The following SGSM1 variants were observed in gnomAD, a reference collection of about 807,000 sequenced individuals.
The protein encoded by SGSM1 is small G protein signaling modulator 1, also known as RUN and TBC1 domain containing 2.
A neutral mutation model predicts 133.8 loss-of-function variants in SGSM1; 73 were observed. The ratio of observed to expected loss-of-function variants is 0.55; its 90% CI spans 0.45 to 0.66. SGSM1 has a LOEUF of 0.66. Ranked by LOEUF, SGSM1 falls within the 30% of genes least tolerant of loss-of-function variation. The pLI is 0.00. For synonymous variants in SGSM1, 563 were observed against 573.0 expected (o/e 0.98, Z 0.25); for missense variants, 1,213 against 1,448.1 (o/e 0.84, Z 2.64).
chr22:24,907,124 G>C (rs1439260598), intron 21 of SGSM1, among the ~76,000 whole-genome samples: 1 of 151,288 alleles, frequency 6.6e-6, no homozygotes, highest in Non-Finnish European at 1.5e-5. Flanking sequence ...GCCCAGCATC[G>C]TGGCGGGTGC....
intron 9 of SGSM1, among the ~76,000 whole-genome samples, chr22:24,866,616 C>T (rs910937717): frequency 2.0e-5 from 3 of 152,248 alleles, no homozygotes; most frequent in African/African-American, 4.8e-5. Flanking sequence ...TGTCTTTTGA[C>T]ACCATTCTCA....
intron 2 of SGSM1, among the ~76,000 whole-genome samples, chr22:24,841,009 C>T (rs1601910529): frequency 1.3e-5 from 2 of 151,884 alleles, no homozygotes; most frequent in South Asian, 4.2e-4. Flanking sequence ...CACCACCACG[C>T]CCGGCTAATT....
chr22:24,835,084 C>G (rs535653371), intron 2 of SGSM1, among the ~76,000 whole-genome samples: 1 of 152,250 alleles, frequency 6.6e-6, no homozygotes, highest in South Asian at 2.1e-4. Flanking sequence ...ATACCTGCTC[C>G]ATACTGCCCT....
intron 16 of SGSM1, among the ~76,000 whole-genome samples, chr22:24,889,083 T>C (rs190322777): frequency 0.024 from 3,581 of 150,868 alleles, 50 homozygotes; most frequent in South Asian, 0.041. Flanking sequence ...TGCCTCAGCC[T>C]CCCCAGTAGC....
chr22:24,822,950 C>G (rs1319059528), intron 2 of SGSM1, among the ~76,000 whole-genome samples: 1 of 152,178 alleles, frequency 6.6e-6, no homozygotes, highest in Non-Finnish European at 1.5e-5. Context: ...TCTTTGGGCT[C>G]AAGTGTGTAA....
intron 9 of SGSM1, among the ~76,000 whole-genome samples, chr22:24,862,627 C>CT (rs1931218653): frequency 6.6e-6 from 1 of 152,186 alleles, no homozygotes; most frequent in African/African-American, 2.4e-5. Context: ...TACTGAGCCC[C>CT]TACTCTGTGC....
chr22:24,917,974 G>A (rs957076369), intron 23 of SGSM1, among the ~76,000 whole-genome samples: 4 of 152,150 alleles, frequency 2.6e-5, no homozygotes, highest in African/African-American at 4.8e-5. Context: ...TGAGGAAACC[G>A]AGGCTGAGAA....
chr22:24,860,058 A>G (rs1316929878), intron 9 of SGSM1, among the ~76,000 whole-genome samples: 7 of 152,192 alleles, frequency 4.6e-5, no homozygotes, highest in Admixed American at 2.6e-4. Flanking sequence ...GAAGAGTCTT[A>G]GGGCATGGAA....
Position 24,926,407 on chromosome 22 carries a change from C to A in SGSM1, c.*2133C>A, listed in dbSNP as rs1934206661. On this transcript the variant is annotated 3_prime_UTR_variant, in exon 25 of 25. Transcript: ENST00000400358. ...TGCCATTAGACTTACGTCTCCCTCC[C>A]CTACGTCCCCTAGCTTCCCAAGACA... 6.6e-6 allele frequency: 1 copy of A among 152,212 alleles called. No homozygotes were observed. Among genetic ancestry groups the A allele is most frequent in the Admixed American group, 6.5e-5 (1 of 15,276 alleles). 9.4% of individuals were successfully genotyped at this position (152,212 alleles called of 1,614,324 possible). A position where few individuals can be genotyped will look rare whatever the true frequency, so the allele number is the denominator to read the frequency against.
chr22:24,847,630 G>T lies in SGSM1; in HGVS notation c.140-4G>T. 1 of 1,612,918 alleles carries T rather than the reference G, an allele frequency of 6.2e-7. No homozygotes were observed. On this transcript the variant is annotated splice_region_variant and splice_polypyrimidine_tract_variant and intron_variant, in intron 3 of 24. Coordinates refer to ENST00000400358, the MANE Select transcript of SGSM1 (RefSeq NM_001098497.3). ...AGGGTCTGCTGACTGCCATGTCCCTGCAGCGGCTGTGGAGGCCTGCGTTCT... is the reference window on the plus strand; with the variant it reads ...AGGGTCTGCTGACTGCCATGTCCCTTCAGCGGCTGTGGAGGCCTGCGTTCT...
Position 24,893,498 on chromosome 22 carries a change from T to C in SGSM1, c.1838T>C (p.Val613Ala), listed in dbSNP as rs1932850887. The change falls in exon 17 of 25, where the codon GTG (valine) becomes GCG (alanine). Residue 613 changes from valine (V) to alanine (A), a missense_variant. By Grantham distance (64) the Val-to-Ala change is moderately conservative. Coordinates refer to ENST00000400358, the MANE Select transcript of SGSM1 (RefSeq NM_001098497.3). ...GAGTGGCTGGGCTGCGAGGCGATCG[T>C]GCGGCAGAGGGAGCGGGAGTCCCAT... ...MAEWLGCEAIVRQRERESHAA... is the reference protein window; with the variant it reads ...MAEWLGCEAIARQRERESHAA... 1 of 1,613,732 alleles carries C rather than the reference T, an allele frequency of 6.2e-7. No individual in the cohort carries two copies. Among genetic ancestry groups the C allele is most frequent in the Non-Finnish European group, 8.5e-7 (1 of 1,179,786 alleles).
chr22:24,885,665 G>A (rs539056322), intron 15 of SGSM1, among the ~76,000 whole-genome samples: 1 of 151,928 alleles, frequency 6.6e-6, no homozygotes, highest in East Asian at 2.0e-4. Flanking sequence ...CTCGTGATCC[G>A]CCTGCCTCGG....
chr22:24,839,287 C>T (rs899476465), intron 2 of SGSM1, among the ~76,000 whole-genome samples: 5 of 152,182 alleles, frequency 3.3e-5, no homozygotes, highest in Non-Finnish European at 5.9e-5. Context: ...TGGTTTCAAA[C>T]TCCTAGGCCC....
chr22:24,905,181 GA>G lies in SGSM1; in HGVS notation c.2813del (p.Asp938ValfsTer14). 1.2e-6 allele frequency: 2 copies of G among 1,613,976 alleles called. No individual in the cohort carries two copies. The highest frequency in any genetic ancestry group is 1.7e-6 in the Non-Finnish European group (2 of 1,179,862). On this transcript the variant is annotated frameshift_variant, in exon 21 of 25. Coordinates refer to ENST00000400358, the MANE Select transcript of SGSM1 (RefSeq NM_001098497.3). LOFTEE classifies it high-confidence loss of function. ...DLLAPLLVIL[D>X]DEALAFSCFT... ...TCTGGCTCCACTGCTGGTCATTCTGGATGATGGTGAGTGTGTCTTTACTGCC... is the reference window on the plus strand; with the variant it reads ...TCTGGCTCCACTGCTGGTCATTCTGGTGATGGTGAGTGTGTCTTTACTGCC...
At chr22:24,922,179 CTTTTTTTTTT>C (rs140795501) in intron 24 of SGSM1, among the ~76,000 whole-genome samples, 4 of 106,842 alleles carry the variant, frequency 3.7e-5, no homozygotes, top group Non-Finnish European at 5.3e-5. Context: ...CACTTACTTT[CTTTTTTTTTT>C]TTTTTTTTTT....
In SGSM1 at chr22:24,845,953, C is replaced by CTTTTCTTTTCT. The variant is rs1463723067; in HGVS notation, c.139+984_139+985insTCTTTTCTTTT. 2.7e-3 allele frequency among the ~76,000 whole-genome samples: 211 copies of CTTTTCTTTTCT among 78,138 alleles called. 2 individuals carry two copies. Among genetic ancestry groups the CTTTTCTTTTCT allele is most frequent in the African/African-American group, 8.7e-3 (196 of 22,424 alleles). The allele number at this position is 78,138 out of a possible 152,430, so 51.3% of individuals were successfully genotyped here. A position where few individuals can be genotyped will look rare whatever the true frequency, so the allele number is the denominator to read the frequency against. ...TTCTTTTCTTTTCTTTTCTTTCTTT[C>CTTTTCTTTTCT]TTTCTTTCTTTCTTTCTTTCTTTCT... On this transcript the variant is annotated intron_variant, in intron 3 of 24. Transcript: ENST00000400358.
At chr22:24,910,710 C>T (rs960052104) in intron 21 of SGSM1, among the ~76,000 whole-genome samples, 2 of 151,932 alleles carry the variant, frequency 1.3e-5, no homozygotes, top group Admixed American at 6.6e-5. Flanking sequence ...TTTGGAAGGC[C>T]GAGGCAGGTG....
chr22:24,828,678 G>A (rs1928933106), intron 2 of SGSM1, among the ~76,000 whole-genome samples: 1 of 152,162 alleles, frequency 6.6e-6, no homozygotes, highest in South Asian at 2.1e-4. Context: ...ATTCCTCAAA[G>A]ACCTAAAGAC....
rs1931597204 is a variant in SGSM1 at position 24,868,710 on chromosome 22, C to T, written c.1159-13C>T. 1 of 1,613,464 alleles carries T rather than the reference C, an allele frequency of 6.2e-7. No homozygotes were observed. The highest frequency in any genetic ancestry group is 1.3e-5 in the African/African-American group (1 of 75,036). On this transcript the variant is annotated splice_polypyrimidine_tract_variant and intron_variant, in intron 11 of 24. Transcript: ENST00000400358. ...GTGTCCCAAGGACCTTGTTTTGGGACATGTTTTTGCAGGGCAAAGTGTTTC... is the reference window on the plus strand; with the variant it reads ...GTGTCCCAAGGACCTTGTTTTGGGATATGTTTTTGCAGGGCAAAGTGTTTC...
Sources: gnomAD v4.1 joint callset for allele counts (sites outside exome capture counted in the v4.1 genomes callset) on GRCh38, gnomAD v4.1.1 for gene constraint, MANE v1.5 for transcripts, NCBI Gene and HGNC (gene_info 2026-07-23, HGNC 2026-07-21) for gene names.